ZNF804B: variants seen among roughly 807,000 people sequenced by gnomAD.
ZNF804B encodes the protein zinc finger 804B.
In ZNF804B, 80 loss-of-function variants were observed where a neutral mutation model predicts 101.4. The observed-to-expected ratio is 0.79, with a 90% confidence interval of 0.66 to 0.95. The LOEUF (loss-of-function observed/expected upper bound fraction) is 0.95. Ranked by LOEUF, ZNF804B falls within the 40% of genes least tolerant of loss-of-function variation. The pLI, the probability that ZNF804B is intolerant of heterozygous loss-of-function variation, is 0.00. For synonymous variants in ZNF804B, 622 were observed against 558.8 expected (o/e 1.11, Z -1.59); for missense variants, 1,673 against 1,561.9 (o/e 1.07, Z -1.20).
chr7:89,168,258 ATAACT>A (rs1299886722), intron 1 of ZNF804B, among the ~76,000 whole-genome samples: 2 of 152,112 alleles, frequency 1.3e-5, no homozygotes, highest in Non-Finnish European at 2.9e-5. Context: ...TGGTACTAAA[ATAACT>A]TAAAGCTACA....
intron 1 of ZNF804B, among the ~76,000 whole-genome samples, chr7:89,009,499 A>C (rs1412073305): frequency 6.6e-6 from 1 of 152,176 alleles, no homozygotes; most frequent in Non-Finnish European, 1.5e-5. Context: ...ATTTTAATTG[A>C]TGTGCAATGG....
rs563125438 is a variant in ZNF804B at position 88,939,796 on chromosome 7, A to G, written c.108+179712A>G. Among the ~76,000 whole-genome samples, 14 of 152,022 alleles carry G rather than the reference A, an allele frequency of 9.2e-5. No individual in the cohort carries two copies. The East Asian group carries it at 1.9e-3, about 21-fold the overall frequency. ...AAAAAAAAGCTTGAAAGCAAAAGAC[A>G]TTGCTAAAGTGGGTCAGTATGAAAT... On this transcript the variant is annotated intron_variant, in intron 1 of 3. Transcript: ENST00000333190.
At chr7:88,767,961 G>C (rs541794238) in intron 1 of ZNF804B, among the ~76,000 whole-genome samples, 1 of 152,304 alleles carries the variant, frequency 6.6e-6, no homozygotes, top group East Asian at 1.9e-4. Flanking sequence ...CAGGTCAAGT[G>C]CATCTCTTAT....
intron 1 of ZNF804B, among the ~76,000 whole-genome samples, chr7:88,868,389 T>C (rs1188111802): frequency 2.0e-5 from 3 of 152,170 alleles, no homozygotes; most frequent in East Asian, 1.9e-4. Context: ...TTGAGTATAA[T>C]ATGTAATCTA....
intron 1 of ZNF804B, among the ~76,000 whole-genome samples, chr7:88,962,646 A>G (rs1793401991): frequency 6.9e-6 from 1 of 145,984 alleles, no homozygotes; most frequent in Admixed American, 6.9e-5. Flanking sequence ...CAGTTAACGA[A>G]GTGACCTTGT....
At chr7:88,978,055 C>G (rs1207712060) in intron 1 of ZNF804B, among the ~76,000 whole-genome samples, 1 of 151,632 alleles carries the variant, frequency 6.6e-6, no homozygotes, top group African/African-American at 2.4e-5. Flanking sequence ...TTTCTCTTGT[C>G]ATTGATTTCT....
At chr7:88,905,750 AT>A (rs1237559569) in intron 1 of ZNF804B, among the ~76,000 whole-genome samples, 1 of 151,954 alleles carries the variant, frequency 6.6e-6, no homozygotes, top group Non-Finnish European at 1.5e-5. Flanking sequence ...TCTCTGCCAG[AT>A]TTTGGTATTG....
At chr7:89,010,399 C>A (rs903393648) in intron 1 of ZNF804B, among the ~76,000 whole-genome samples, 2 of 152,186 alleles carry the variant, frequency 1.3e-5, no homozygotes, top group East Asian at 3.9e-4. Flanking sequence ...CATATTTACC[C>A]GTTAAAGTTG....
rs538034062 is a variant in ZNF804B, at chr7:88,796,255, A to AT, written c.108+36177dup. On this transcript the variant is annotated intron_variant, in intron 1 of 3. Coordinates refer to ENST00000333190, the MANE Select transcript of ZNF804B (RefSeq NM_181646.5). ...TTTTTAACAATGAAACCTAAGAATA[A>AT]TTTTTTCCCTGAGTTCTGTATTATC... Among the ~76,000 whole-genome samples, 119 of 152,138 alleles carry AT rather than the reference A, an allele frequency of 7.8e-4. No homozygotes were observed. In the South Asian group the frequency reaches 0.024, roughly 31 times the overall value.
intron 1 of ZNF804B, among the ~76,000 whole-genome samples, chr7:89,030,553 C>T (rs1001242522): frequency 6.6e-5 from 10 of 152,244 alleles, no homozygotes; most frequent in Admixed American, 2.0e-4. Context: ...TTGCCTACAT[C>T]TCCCTCACTC....
chr7:88,951,585 C>G (rs1793224432), intron 1 of ZNF804B, among the ~76,000 whole-genome samples: 1 of 151,834 alleles, frequency 6.6e-6, no homozygotes, highest in South Asian at 2.1e-4. Context: ...GATGTACTTA[C>G]TTTCTGTTGC....
intron 1 of ZNF804B, among the ~76,000 whole-genome samples, chr7:88,805,899 C>G (rs1323544150): frequency 2.6e-5 from 4 of 151,834 alleles, no homozygotes; most frequent in Non-Finnish European, 5.9e-5. Context: ...TCCAAGAGTT[C>G]CCAGGCAAAG....
Position 88,829,240 on chromosome 7 carries a change from G to A in ZNF804B, c.108+69156G>A, listed in dbSNP as rs1267837447. ...CAAGTAGCTGGGACTACAGGTGTGTGTCCCTGCACCTGAACATTTTTAATT... is the reference window on the plus strand; with the variant it reads ...CAAGTAGCTGGGACTACAGGTGTGTATCCCTGCACCTGAACATTTTTAATT... On this transcript the variant is annotated intron_variant, in intron 1 of 3. Coordinates refer to ENST00000333190, the MANE Select transcript of ZNF804B (RefSeq NM_181646.5). Among the ~76,000 whole-genome samples the A allele has an allele frequency of 2.0e-5, 3 of 152,152 alleles. No individual in the cohort carries two copies. The East Asian group carries it at 5.8e-4, about 29-fold the overall frequency.
At position 89,336,066 on chromosome 7, in the gene ZNF804B, A is replaced by T. The variant is rs1363054998; in HGVS notation, c.3084A>T (p.Lys1028Asn). ...ADTDCDNHLS[K>N]GIIHLVTESQ... is the part of the protein sequence containing the mutation. ...CTGATTGTGATAACCATCTTTCTAA[A>T]GGTATAATTCACCTAGTAACAGAGT... Residue 1028 changes from lysine to asparagine, a missense_variant, in exon 4 of 4, where the codon AAA becomes AAT. By Grantham distance (94) the Lys-to-Asn change is moderately conservative (BLOSUM62 0). Transcript: ENST00000333190. The T allele has an allele frequency of 1.9e-6, 3 of 1,614,022 alleles. No homozygotes were observed. Among genetic ancestry groups the T allele is most frequent in the Non-Finnish European group, 2.5e-6 (3 of 1,180,004 alleles).
chr7:89,256,324 C>T (rs574121888), intron 2 of ZNF804B, among the ~76,000 whole-genome samples: 8 of 152,096 alleles, frequency 5.3e-5, no homozygotes, highest in Admixed American at 2.0e-4. Context: ...AAGGCTGAGG[C>T]GAAAGGATTG....
In ZNF804B at chr7:89,131,261, A is replaced by C. The variant is rs956611708; in HGVS notation, c.109-86894A>C. On this transcript the variant is annotated intron_variant, in intron 1 of 3. Transcript: ENST00000333190. ...AGATAATCAAAATATCTTCAACACT[A>C]TGGGAAGTCTCCCAGTAAACATGGA... Among the ~76,000 whole-genome samples, 11 of 152,184 alleles carry C rather than the reference A, an allele frequency of 7.2e-5. No homozygotes were observed. In the South Asian group the frequency reaches 2.3e-3, roughly 31 times the overall value.
At chr7:89,124,804 A>C (rs1790455492) in intron 1 of ZNF804B, among the ~76,000 whole-genome samples, 1 of 151,884 alleles carries the variant, frequency 6.6e-6, no homozygotes, top group African/African-American at 2.4e-5. Flanking sequence ...TGACTAATAG[A>C]ATTTTTTTTT....
intron 2 of ZNF804B, among the ~76,000 whole-genome samples, chr7:89,229,261 G>A (rs373455405): frequency 5.6e-4 from 86 of 152,348 alleles, no homozygotes; most frequent in African/African-American, 1.9e-3. Context: ...AGCGAGGGCT[G>A]TGAGGACTGC....
intron 1 of ZNF804B, among the ~76,000 whole-genome samples, chr7:88,918,353 G>A (rs1584015955): frequency 6.6e-6 from 1 of 151,998 alleles, no homozygotes; most frequent in Non-Finnish European, 1.5e-5. Context: ...TTATAATTAG[G>A]GAACTTTAGA....
Sources: allele counts gnomAD v4.1 joint callset (sites outside exome capture counted in the v4.1 genomes callset), GRCh38; gene constraint gnomAD v4.1.1; transcripts MANE v1.5; gene names NCBI Gene and HGNC (gene_info 2026-07-23, HGNC 2026-07-21).